Variants in MIPOL1 observed in about 807,000 individuals in gnomAD.
MIPOL1 encodes the protein mirror-image polydactyly 1, also known as mirror-image polydactyly gene 1 protein.
Under a neutral mutation model 60.9 loss-of-function variants are expected in MIPOL1, and 57 were observed. The ratio of observed to expected loss-of-function variants is 0.94; its 90% CI spans 0.76 to 1.17. MIPOL1 has a LOEUF of 1.17. MIPOL1 is among the 50% of genes most tolerant of loss of function. The pLI is 0.00. For synonymous variants in MIPOL1, 179 were observed against 168.8 expected, an observed-to-expected ratio of 1.06 and a Z score of -0.47; for missense variants, 551 against 511.6, an observed-to-expected ratio of 1.08 and a Z score of -0.74.
intron 1 of MIPOL1, among the ~76,000 whole-genome samples, chr14:37,200,664 G>GTTT (rs559596328): frequency 1.4e-3 from 151 of 111,210 alleles, no homozygotes; most frequent in African/African-American, 4.7e-3. Context: ...TTCCCAGTTA[G>GTTT]TTTTTTTTTT....
chr14:37,312,204 T>C (rs1475369313), intron 9 of MIPOL1, among the ~76,000 whole-genome samples: 1 of 152,078 alleles, frequency 6.6e-6, no homozygotes, highest in African/African-American at 2.4e-5. Flanking sequence ...GCCTCCTGGG[T>C]TCAAGCGATT....
At chr14:37,318,427 A>G (rs979857663) in intron 9 of MIPOL1, among the ~76,000 whole-genome samples, 5 of 152,226 alleles carry the variant, frequency 3.3e-5, no homozygotes, top group African/African-American at 1.2e-4. Context: ...ATTCTTAATT[A>G]CAGTGGCTGT....
At chr14:37,288,159 GT>G (rs201281176) in intron 7 of MIPOL1, among the ~76,000 whole-genome samples, 5 of 150,334 alleles carry the variant, frequency 3.3e-5, no homozygotes, top group Non-Finnish European at 5.9e-5. Flanking sequence ...AGTTTTTGAG[GT>G]TTTTTTTGGT....
intron 9 of MIPOL1, among the ~76,000 whole-genome samples, chr14:37,312,663 G>A (rs984976866): frequency 6.6e-6 from 1 of 151,932 alleles, no homozygotes; most frequent in African/African-American, 2.4e-5. Context: ...ATCCCAAATT[G>A]TTTTTTCATT....
chr14:37,501,792 G>T (rs148579540), intron 12 of MIPOL1: 2 of 152,186 alleles, frequency 1.3e-5, no homozygotes, highest in Admixed American at 1.3e-4. Context: ...GCAGGGCAGG[G>T]TGTCACCTCA....
At chr14:37,226,865 G>A (rs1969834910) in intron 1 of MIPOL1, among the ~76,000 whole-genome samples, 1 of 152,196 alleles carries the variant, frequency 6.6e-6, no homozygotes, top group South Asian at 2.1e-4. Flanking sequence ...TCCTTTCTGG[G>A]TAGTGTGAGA....
chr14:37,283,381 G>C (rs2084288067), intron 6 of MIPOL1, among the ~76,000 whole-genome samples: 1 of 151,912 alleles, frequency 6.6e-6, no homozygotes, highest in Admixed American at 6.6e-5. Flanking sequence ...ATGCTGTTTT[G>C]AAAGAGCCAC....
chr14:37,277,065 G>A (rs899953163), intron 6 of MIPOL1: 4 of 151,000 alleles, frequency 2.6e-5, no homozygotes, highest in Non-Finnish European at 6.0e-5. Context: ...TGGAGTAGAT[G>A]GAGGATCCAT....
intron 1 of MIPOL1, among the ~76,000 whole-genome samples, chr14:37,216,062 C>CAAAAA (rs71449980): frequency 8.2e-5 from 7 of 85,826 alleles, no homozygotes; most frequent in Admixed American, 2.6e-4. Flanking sequence ...ACCTCCATCT[C>CAAAAA]AAAAAAAAAA....
intron 11 of MIPOL1, among the ~76,000 whole-genome samples, chr14:37,451,288 G>A (rs1303434736): frequency 6.6e-6 from 1 of 152,078 alleles, no homozygotes; most frequent in Non-Finnish European, 1.5e-5. Flanking sequence ...ATTGATGTAG[G>A]TGCTCAACTA....
chr14:37,497,383 C>T (rs1023594360), intron 11 of MIPOL1, among the ~76,000 whole-genome samples: 7 of 152,272 alleles, frequency 4.6e-5, no homozygotes, highest in African/African-American at 1.4e-4. Context: ...AATTCCCAAA[C>T]GAAGCTGTCT....
At chr14:37,296,193 C>G (rs1776177449) in intron 7 of MIPOL1, among the ~76,000 whole-genome samples, 1 of 152,176 alleles carries the variant, frequency 6.6e-6, no homozygotes, top group Non-Finnish European at 1.5e-5. Context: ...ACAACCTGCT[C>G]CTGAATGACT....
At chr14:37,454,457 C>A (rs1271060463) in intron 11 of MIPOL1, among the ~76,000 whole-genome samples, 1 of 152,202 alleles carries the variant, frequency 6.6e-6, no homozygotes, top group East Asian at 1.9e-4. Context: ...ATGCTCATAA[C>A]AGCTGTGTGA....
chr14:37,495,442 C>G (rs1330720251), intron 11 of MIPOL1, among the ~76,000 whole-genome samples: 2 of 150,268 alleles, frequency 1.3e-5, no homozygotes, highest in African/African-American at 4.9e-5. Flanking sequence ...CATCCATGTC[C>G]CTACAAAGGA....
chr14:37,450,648 C>A (rs1365621574), intron 11 of MIPOL1, among the ~76,000 whole-genome samples: 2 of 152,040 alleles, frequency 1.3e-5, no homozygotes, highest in African/African-American at 4.8e-5. Context: ...GCTTTCATCT[C>A]TGAGAAATTT....
intron 11 of MIPOL1, among the ~76,000 whole-genome samples, chr14:37,497,432 A>G (rs1001969830): frequency 2.6e-5 from 4 of 152,238 alleles, no homozygotes; most frequent in African/African-American, 9.6e-5. Flanking sequence ...TAAAGTTAAA[A>G]TATAAGGGAA....
Position 37,339,759 on chromosome 14 carries a change from G to A in MIPOL1, c.829-29758G>A, listed in dbSNP as rs1309412989. Among the ~76,000 whole-genome samples the A allele has an allele frequency of 2.0e-5, 3 of 152,082 alleles. No individual in the cohort carries two copies. The East Asian group carries it at 5.8e-4, about 29-fold the overall frequency. On this transcript the variant is annotated intron_variant, in intron 9 of 12. Coordinates refer to ENST00000684589, the MANE Select transcript of MIPOL1 (RefSeq NM_001388067.1). ...GGATTCCAGACCTAAAAGTTTCATTGTTTTTTATGAAGTTCAAGAAGAGAT... is the reference window on the plus strand; with the variant it reads ...GGATTCCAGACCTAAAAGTTTCATTATTTTTTATGAAGTTCAAGAAGAGAT...
At chr14:37,412,390 A>G (rs926908065) in intron 10 of MIPOL1, among the ~76,000 whole-genome samples, 6 of 152,088 alleles carry the variant, frequency 3.9e-5, no homozygotes, top group Non-Finnish European at 5.9e-5. Context: ...TTTAAAAATC[A>G]CTAAGGCAAA....
At chr14:37,254,648 C>T (rs548605420) in intron 3 of MIPOL1, among the ~76,000 whole-genome samples, 14 of 151,674 alleles carry the variant, frequency 9.2e-5, no homozygotes, top group East Asian at 1.9e-4. Flanking sequence ...GGGGAAAATT[C>T]GTGAGCTAAT....
Sources: gnomAD v4.1 joint callset for allele counts (sites outside exome capture counted in the v4.1 genomes callset) on GRCh38, gnomAD v4.1.1 for gene constraint, MANE v1.5 for transcripts, NCBI Gene and HGNC (gene_info 2026-07-23, HGNC 2026-07-21) for gene names.